ZNF91: variants seen among roughly 807,000 people sequenced by gnomAD.
ZNF91 encodes the protein zinc finger protein 91.
A neutral mutation model predicts 12.6 loss-of-function variants in ZNF91; 7 were observed. The ratio of observed to expected loss-of-function variants is 0.55; its 90% CI spans 0.31 to 1.04. The LOEUF is 1.04. Ranked by LOEUF, ZNF91 falls within the 50% of genes least tolerant of loss-of-function variation. The pLI is 0.05. For synonymous variants in ZNF91, 453 were observed against 462.6 expected, an observed-to-expected ratio of 0.98 and a Z score of 0.27; for missense variants, 1,217 against 1,385.4, an observed-to-expected ratio of 0.88 and a Z score of 1.93.
chr19:23,389,232 C>G (rs994284874), intron 1 of ZNF91, among the ~76,000 whole-genome samples: 1 of 151,966 alleles, frequency 6.6e-6, no homozygotes, highest in Non-Finnish European at 1.5e-5. Flanking sequence ...AGATAGTGGC[C>G]CAGGTGGGGC....
chr19:23,362,497 T>G lies in ZNF91; in HGVS notation c.482A>C (p.Lys161Thr). The change falls in exon 4 of 4, where the codon AAA (lysine) becomes ACA (threonine). Residue 161 changes from lysine (K) to threonine (T), a missense_variant. Around this residue, in one of 2 missense-constraint regions of ZNF91, gnomAD observed 726 missense variants for 895.5 expected, o/e 0.81. Transcript: ENST00000300619. ...SKVFQCGKYLKVFYKFLNSNR... is the reference protein window; with the variant it reads ...SKVFQCGKYLTVFYKFLNSNR... Reference sequence around the variant, plus strand: ...TGAATTTAAAAATTTATAGAAGACTTTCAAATATTTCCCACATTGAAATAC... The same window carrying G: ...TGAATTTAAAAATTTATAGAAGACTGTCAAATATTTCCCACATTGAAATAC... The G allele has an allele frequency of 6.2e-7, 1 of 1,603,066 alleles. No homozygotes were observed. Among genetic ancestry groups the G allele is most frequent in the Non-Finnish European group, 8.5e-7 (1 of 1,176,084 alleles).
At position 23,369,776 on chromosome 19, in the gene ZNF91, T is replaced by C. The variant is rs373704787; in HGVS notation, c.253+3966A>G. Among the ~76,000 whole-genome samples, 12 of 151,538 alleles carry C rather than the reference T, an allele frequency of 7.9e-5. No homozygotes were observed. In the East Asian group the frequency reaches 1.2e-3, roughly 15 times the overall value. On this transcript the variant is annotated intron_variant, in intron 3 of 3. Transcript: ENST00000300619. ...TAAATGGATTAAGGGCGGTGCAAGATGTGCTTTGTTAAACAGATGCTTGAA... is the reference window on the plus strand; with the variant it reads ...TAAATGGATTAAGGGCGGTGCAAGACGTGCTTTGTTAAACAGATGCTTGAA...
chr19:23,375,320 C>T (rs1032903333), intron 1 of ZNF91, among the ~76,000 whole-genome samples: 5 of 152,016 alleles, frequency 3.3e-5, no homozygotes, highest in Admixed American at 1.3e-4. Context: ...CCACCACGCC[C>T]GGCTAATTTT....
At chr19:23,389,413 A>C (rs1417680244) in intron 1 of ZNF91, among the ~76,000 whole-genome samples, 1 of 152,134 alleles carries the variant, frequency 6.6e-6, no homozygotes, top group Non-Finnish European at 1.5e-5. Flanking sequence ...AAAAAAAAAA[A>C]AAAAACACTA....
intron 1 of ZNF91, among the ~76,000 whole-genome samples, chr19:23,377,193 T>A (rs923698438): frequency 1.3e-5 from 2 of 152,102 alleles, no homozygotes; most frequent in African/African-American, 4.8e-5. Context: ...ATAGAACAGG[T>A]TCCTGGACCA....
chr19:23,380,266 C>CAAAAAAAAAAAA lies in ZNF91; in HGVS notation c.31-5514_31-5503dup, dbSNP rs199502898. On this transcript the variant is annotated intron_variant, in intron 1 of 3. Coordinates refer to ENST00000300619, the MANE Select transcript of ZNF91 (RefSeq NM_003430.4). ...TGGGCAATGGGGGGAAAATCCGTCTCAAAAAAAAAAAAAAAAAAAAAAAAA... is the reference window on the plus strand; with the variant it reads ...TGGGCAATGGGGGGAAAATCCGTCTCAAAAAAAAAAAAAAAAAAAAAAAAAAAAAAAAAAAAA... 2.3e-4 allele frequency: 12 copies of CAAAAAAAAAAAA among 52,742 alleles called. 1 individual carries two copies. Among genetic ancestry groups the CAAAAAAAAAAAA allele is most frequent in the African/African-American group, 6.9e-4 (12 of 17,436 alleles). 3.3% of individuals were successfully genotyped at this position (52,742 alleles called of 1,614,324 possible).
upstream of ZNF91, among the ~76,000 whole-genome samples, chr19:23,312,196 A>G (rs902501742): frequency 6.6e-6 from 1 of 152,146 alleles, no homozygotes; most frequent in Non-Finnish European, 1.5e-5. Flanking sequence ...CTGCCCTCAG[A>G]GACGGTTGCA....
chr19:23,363,726 T>C (rs1297037903), intron 3 of ZNF91, among the ~76,000 whole-genome samples: 3 of 152,158 alleles, frequency 2.0e-5, no homozygotes, highest in African/African-American at 7.2e-5. Flanking sequence ...GATGTATACA[T>C]TAATTTTATG....
rs1352497019 is a variant in ZNF91 at position 23,384,393 on chromosome 19, C to G, written c.31-9629G>C. On this transcript the variant is annotated intron_variant, in intron 1 of 3. Coordinates refer to ENST00000300619, the MANE Select transcript of ZNF91 (RefSeq NM_003430.4). ...CCGCCCACCACGCCGGAACCGCGCA[C>G]AGCTAGAGCCACTTCTGAAGCCACT... The G allele has an allele frequency of 1.6e-5, 4 of 242,618 alleles. No homozygotes were observed. The East Asian group carries it at 4.0e-4, about 24-fold the overall frequency. The allele number at this position is 242,618 out of a possible 1,614,324, so 15.0% of individuals were successfully genotyped here.
intron 1 of ZNF91, among the ~76,000 whole-genome samples, chr19:23,382,182 TCTTA>T (rs1030361967): frequency 1.3e-5 from 2 of 152,200 alleles, no homozygotes; most frequent in African/African-American, 2.4e-5. Flanking sequence ...TAAGATATTT[TCTTA>T]CTTTTATGTA....
chr19:23,389,049 C>A (rs78610253), intron 1 of ZNF91, among the ~76,000 whole-genome samples: 1,912 of 152,066 alleles, frequency 0.013, 41 homozygotes, highest in African/African-American at 0.043. Context: ...CTCTTTGGTG[C>A]TATACTTAGT....
At position 23,390,815 on chromosome 19, in the gene ZNF91, C is replaced by A. The variant is rs964761508; in HGVS notation, c.30+4510G>T. Among the ~76,000 whole-genome samples, 5 of 152,100 alleles carry A rather than the reference C, an allele frequency of 3.3e-5. No individual in the cohort carries two copies. The East Asian group carries it at 9.6e-4, about 29-fold the overall frequency. On this transcript the variant is annotated intron_variant, in intron 1 of 3. Transcript: ENST00000300619. ...CTGGTCTCAAACTCCTGAGCTCAGG[C>A]AATCCACCTGCCTTGGCCTCTCAAA...
At chr19:23,376,675 C>T (rs1232909764) in intron 1 of ZNF91, among the ~76,000 whole-genome samples, 1 of 152,144 alleles carries the variant, frequency 6.6e-6, no homozygotes, top group African/African-American at 2.4e-5. Context: ...AGACGTGAGC[C>T]ACCACGCCTG....
chr19:23,311,638 A>G (rs1418079258), upstream of ZNF91, among the ~76,000 whole-genome samples: 1 of 152,124 alleles, frequency 6.6e-6, no homozygotes, highest in Non-Finnish European at 1.5e-5. Context: ...CTCTACATCT[A>G]TCATTTAGGA....
chr19:23,307,860 T>C (rs965961534), intron 2 of ZNF91: 3 of 152,248 alleles, frequency 2.0e-5, no homozygotes, highest in Non-Finnish European at 4.4e-5. Flanking sequence ...AAGGATTGTA[T>C]AGCTGGGCTC....
At chr19:23,311,030 T>A (rs1192922232), upstream of ZNF91, among the ~76,000 whole-genome samples, 1 of 152,208 alleles carries the variant, frequency 6.6e-6, no homozygotes, top group African/African-American at 2.4e-5. Flanking sequence ...ACAGAAAGAA[T>A]TTTGACATAT....
intron 1 of ZNF91, among the ~76,000 whole-genome samples, chr19:23,332,534 C>G (rs984523058): frequency 6.6e-6 from 1 of 152,104 alleles, no homozygotes; most frequent in Admixed American, 6.5e-5. Flanking sequence ...CATAGAGACA[C>G]GATTCGTTCA....
At chr19:23,313,910 T>A (rs573199116), upstream of ZNF91, among the ~76,000 whole-genome samples, 16 of 152,266 alleles carry the variant, frequency 1.1e-4, no homozygotes, top group Admixed American at 2.0e-4. Context: ...ACAAGAGGTG[T>A]TTGCTCTCAT....
chr19:23,390,595 G>T (rs1026210795), intron 1 of ZNF91, among the ~76,000 whole-genome samples: 4 of 152,146 alleles, frequency 2.6e-5, no homozygotes, highest in African/African-American at 9.6e-5. Context: ...TGACCTCAAG[G>T]GATCCACCCA....
Sources: allele counts gnomAD v4.1 joint callset (sites outside exome capture counted in the v4.1 genomes callset), GRCh38; gene constraint gnomAD v4.1.1; regional missense constraint gnomAD v4.1.1; transcripts MANE v1.5; gene names NCBI Gene and HGNC (gene_info 2026-07-23, HGNC 2026-07-21).